The following PLXDC2 variants were observed in gnomAD, a reference collection of about 807,000 sequenced individuals.
PLXDC2 encodes plexin domain-containing protein 2.
PLXDC2 carries 40 observed loss-of-function variants against 68.9 expected under a neutral mutation model. The observed-to-expected ratio is 0.58, with a 90% CI of 0.45 to 0.76. PLXDC2 has a LOEUF of 0.76. Among genes scored for constraint, PLXDC2 ranks in the 30% least tolerant of loss-of-function variants. PLXDC2 has a pLI of 0.00. For synonymous variants in PLXDC2, 243 were observed against 234.2 expected (o/e 1.04, Z -0.34); for missense variants, 644 against 661.9 (o/e 0.97, Z 0.30).
At chr10:19,888,033 T>A (rs966470643) in intron 1 of PLXDC2, among the ~76,000 whole-genome samples, 4 of 152,232 alleles carry the variant, frequency 2.6e-5, no homozygotes, top group South Asian at 4.1e-4. Flanking sequence ...AACACGCCTA[T>A]CACTCCACTT....
At chr10:20,191,310 T>C (rs571371837) in intron 9 of PLXDC2, among the ~76,000 whole-genome samples, 6 of 152,052 alleles carry the variant, frequency 3.9e-5, no homozygotes, top group East Asian at 1.9e-4. Context: ...ACTTTTACTT[T>C]TACCCTCAGT....
At chr10:20,189,404 CCA>C (rs1365311296) in intron 9 of PLXDC2, among the ~76,000 whole-genome samples, 3 of 143,528 alleles carry the variant, frequency 2.1e-5, no homozygotes, top group Non-Finnish European at 4.6e-5. Flanking sequence ...TGAATTTTTA[CCA>C]CACACACATA....
At chr10:20,087,443 A>G (rs1022367744) in intron 4 of PLXDC2, among the ~76,000 whole-genome samples, 16 of 152,244 alleles carry the variant, frequency 1.1e-4, no homozygotes, top group African/African-American at 3.9e-4. Context: ...AGCACAATTC[A>G]TCATTCTTAT....
intron 4 of PLXDC2, among the ~76,000 whole-genome samples, chr10:20,135,662 T>A (rs1331253052): frequency 6.6e-6 from 1 of 152,190 alleles, no homozygotes; most frequent in Admixed American, 6.5e-5. Flanking sequence ...GTGGAGAGCC[T>A]CTGTATATGG....
At chr10:19,940,310 G>T (rs1333486940) in intron 1 of PLXDC2, among the ~76,000 whole-genome samples, 2 of 151,970 alleles carry the variant, frequency 1.3e-5, no homozygotes, top group Admixed American at 1.3e-4. Context: ...TTTTAAATCT[G>T]CTAGGAAGTT....
At chr10:19,857,904 C>A (rs1355533392) in intron 1 of PLXDC2, among the ~76,000 whole-genome samples, 2 of 152,164 alleles carry the variant, frequency 1.3e-5, no homozygotes, top group African/African-American at 4.8e-5. Flanking sequence ...TATTTATTTT[C>A]TCTAAGAATT....
At chr10:19,886,875 G>GA (rs2131356169) in intron 1 of PLXDC2, among the ~76,000 whole-genome samples, 1 of 152,288 alleles carries the variant, frequency 6.6e-6, no homozygotes, top group Non-Finnish European at 1.5e-5. Flanking sequence ...CAACTCAACA[G>GA]AAAATGACTA....
intron 12 of PLXDC2, among the ~76,000 whole-genome samples, chr10:20,236,417 C>G (rs113988119): frequency 2.6e-4 from 40 of 152,208 alleles, no homozygotes; most frequent in African/African-American, 9.1e-4. Flanking sequence ...TGCACTCCAG[C>G]CTGGGCCACA....
At chr10:19,895,095 C>T (rs913690103) in intron 1 of PLXDC2, among the ~76,000 whole-genome samples, 1 of 152,088 alleles carries the variant, frequency 6.6e-6, no homozygotes, top group African/African-American at 2.4e-5. Flanking sequence ...TACTATGCAG[C>T]CATAAAAAAG....
At chr10:20,209,055 G>A (rs1250943162) in intron 9 of PLXDC2, among the ~76,000 whole-genome samples, 2 of 152,062 alleles carry the variant, frequency 1.3e-5, no homozygotes, top group African/African-American at 4.8e-5. Context: ...ACCACAGGAC[G>A]GGGGCGAAAT....
intron 4 of PLXDC2, among the ~76,000 whole-genome samples, chr10:20,122,855 G>A: frequency 6.6e-6 from 1 of 152,124 alleles, no homozygotes; most frequent in East Asian, 1.9e-4. Flanking sequence ...GAGCAGATTG[G>A]GTAATAAAAT....
chr10:20,075,159 G>A (rs1337997860), intron 4 of PLXDC2, among the ~76,000 whole-genome samples: 1 of 152,058 alleles, frequency 6.6e-6, no homozygotes, highest in African/African-American at 2.4e-5. Context: ...AGTGTCAGCA[G>A]TAGATTCAGT....
intron 1 of PLXDC2, among the ~76,000 whole-genome samples, chr10:19,900,009 C>T (rs1464823688): frequency 1.3e-5 from 2 of 152,064 alleles, no homozygotes; most frequent in African/African-American, 2.4e-5. Context: ...AAGATATAGA[C>T]GTAAAAATAG....
intron 3 of PLXDC2, among the ~76,000 whole-genome samples, chr10:20,053,566 A>C (rs1284820928): frequency 6.6e-6 from 1 of 152,128 alleles, no homozygotes; most frequent in African/African-American, 2.4e-5. Flanking sequence ...AGACATTTCA[A>C]ATTCCACGTT....
At chr10:19,862,914 G>T (rs565050110) in intron 1 of PLXDC2, among the ~76,000 whole-genome samples, 22 of 152,268 alleles carry the variant, frequency 1.4e-4, no homozygotes, top group African/African-American at 5.3e-4. Context: ...ATGTAAATCT[G>T]CTCTGAGGAA....
intron 1 of PLXDC2, among the ~76,000 whole-genome samples, chr10:19,996,163 G>T (rs1005306358): frequency 1.3e-5 from 2 of 152,142 alleles, no homozygotes; most frequent in Admixed American, 1.3e-4. Flanking sequence ...AGATAGGGCT[G>T]GGCACCGTGG....
chr10:19,991,246 C>CA (rs372597238), intron 1 of PLXDC2, among the ~76,000 whole-genome samples: 39,036 of 130,228 alleles, frequency 0.3, 5,312 homozygotes, highest in South Asian at 0.38. Flanking sequence ...AACTCTCTCT[C>CA]AAAAAAAAAA....
chr10:20,026,185 G>A (rs1835399264), intron 2 of PLXDC2, among the ~76,000 whole-genome samples: 1 of 132,154 alleles, frequency 7.6e-6, no homozygotes, highest in Non-Finnish European at 1.7e-5. Context: ...TAATGCCTAT[G>A]TTCTCCACTA....
At chr10:20,068,630 T>C (rs2131707055) in intron 4 of PLXDC2, among the ~76,000 whole-genome samples, 1 of 147,970 alleles carries the variant, frequency 6.8e-6, no homozygotes, top group African/African-American at 2.4e-5. Flanking sequence ...ATATATAATA[T>C]ATATTTACAT....
Sources: gnomAD v4.1 joint callset for allele counts (sites outside exome capture counted in the v4.1 genomes callset) on GRCh38, gnomAD v4.1.1 for gene constraint, MANE v1.5 for transcripts, NCBI Gene and HGNC (gene_info 2026-07-23, HGNC 2026-07-21) for gene names.